The following PTPRT variants were observed in gnomAD, a reference collection of about 807,000 sequenced individuals.
The protein encoded by PTPRT is receptor-type tyrosine-protein phosphatase T.
PTPRT carries 56 observed loss-of-function variants against 176.8 expected under a neutral mutation model. The observed-to-expected ratio is 0.32, with a 90% CI of 0.26 to 0.40. PTPRT has a LOEUF of 0.40. Among genes scored for constraint, PTPRT ranks in the 10% least tolerant of loss-of-function variants. PTPRT has a pLI of 1.00. For missense variants in PTPRT, 1,540 were observed against 1,908.2 expected, an observed-to-expected ratio of 0.81 and a Z score of 3.60; for synonymous variants, 783 against 739.0, an observed-to-expected ratio of 1.06 and a Z score of -0.96.
chr20:42,665,324 G>A lies in PTPRT; in HGVS notation c.1153+12542C>T, dbSNP rs560627578. Among the ~76,000 whole-genome samples, 20 of 152,316 alleles carry A rather than the reference G, an allele frequency of 1.3e-4. 1 individual carries two copies. In the South Asian group the frequency reaches 3.9e-3, roughly 30 times the overall value. On this transcript the variant is annotated intron_variant, in intron 7 of 30. Coordinates refer to ENST00000373187, the MANE Select transcript of PTPRT (RefSeq NM_007050.6). The stretch of plus-strand genomic sequence containing the variant: ...CTTCTCAAAAGAAGACATTTATGCA[G>A]CCAAAAGATGTGAAAAAATGCTCAT...
intron 7 of PTPRT, among the ~76,000 whole-genome samples, chr20:42,512,831 T>C (rs1324182529): frequency 1.3e-5 from 2 of 152,136 alleles, no homozygotes; most frequent in Non-Finnish European, 2.9e-5. Flanking sequence ...GTTTTAATGT[T>C]GTCATTGTGA....
At chr20:43,001,019 A>T (rs796077210) in intron 1 of PTPRT, among the ~76,000 whole-genome samples, 3 of 152,324 alleles carry the variant, frequency 2.0e-5, no homozygotes, top group African/African-American at 7.2e-5. Flanking sequence ...GATTTCAGGA[A>T]ATCATCCATG....
At chr20:43,130,813 TCAA>T (rs2013622774) in intron 1 of PTPRT, among the ~76,000 whole-genome samples, 1 of 121,674 alleles carries the variant, frequency 8.2e-6, no homozygotes, top group Non-Finnish European at 1.8e-5. Context: ...GGAAGGATTT[TCAA>T]AAAAAAAAAA....
intron 13 of PTPRT, among the ~76,000 whole-genome samples, chr20:42,279,077 A>G (rs1367773301): frequency 6.6e-6 from 1 of 152,038 alleles, no homozygotes; most frequent in Non-Finnish European, 1.5e-5. Flanking sequence ...TCTTCCTTTC[A>G]GAGTCTGAAT....
At chr20:43,058,413 A>G (rs1987326662) in intron 1 of PTPRT, among the ~76,000 whole-genome samples, 1 of 151,900 alleles carries the variant, frequency 6.6e-6, no homozygotes, top group South Asian at 2.1e-4. Context: ...AGAAAGAAGG[A>G]GAGAGGAAGA....
At chr20:43,061,794 C>A (rs1254975734) in intron 1 of PTPRT, among the ~76,000 whole-genome samples, 1 of 152,200 alleles carries the variant, frequency 6.6e-6, no homozygotes, top group Non-Finnish European at 1.5e-5. Context: ...CCCATTAAAT[C>A]CCATCTGCAA....
chr20:43,182,743 T>A (rs1046624805), intron 1 of PTPRT, among the ~76,000 whole-genome samples: 1 of 152,048 alleles, frequency 6.6e-6, no homozygotes, highest in African/African-American at 2.4e-5. Context: ...TAGCGTGAAG[T>A]TCCTCCTGGG....
chr20:42,563,227 G>T (rs777394400), intron 7 of PTPRT, among the ~76,000 whole-genome samples: 21 of 151,782 alleles, frequency 1.4e-4, no homozygotes, highest in Admixed American at 3.3e-4. Context: ...GCTCCCCAAA[G>T]AAAAAAATGC....
Position 42,126,570 on chromosome 20 carries a change from C to A in PTPRT, c.2847+2184G>T, listed in dbSNP as rs184444904. ...CTCTAAGTCATCTTTCAAGGCAGAA[C>A]TGAGACATCACCTCCTCCAGGGAGC... On this transcript the variant is annotated intron_variant, in intron 19 of 30. Coordinates refer to ENST00000373187, the MANE Select transcript of PTPRT (RefSeq NM_007050.6). Among the ~76,000 whole-genome samples the A allele has an allele frequency of 5.9e-5, 9 of 152,298 alleles. No individual in the cohort carries two copies. In the East Asian group the frequency reaches 1.7e-3, roughly 29 times the overall value.
In PTPRT at chr20:42,074,785, C is replaced by T; in HGVS notation, c.*6094G>A. The T allele has an allele frequency of 2.5e-6, 1 of 398,628 alleles. No individual in the cohort carries two copies. Among genetic ancestry groups the T allele is most frequent in the South Asian group, 1.3e-4 (1 of 7,852 alleles). The allele number at this position is 398,628 out of a possible 1,614,324, so 24.7% of individuals were successfully genotyped here. On this transcript the variant is annotated 3_prime_UTR_variant, in exon 31 of 31. Transcript: ENST00000373187. Reference sequence around the variant, plus strand: ...CTTTGATGACCTTTTCCCATCTCTTCTGGAGGTGGGCAGGTGGGATGCAAA... The same window carrying T: ...CTTTGATGACCTTTTCCCATCTCTTTTGGAGGTGGGCAGGTGGGATGCAAA...
At chr20:42,060,275 C>T in the PTPRT span, among the ~76,000 whole-genome samples, 1 of 152,124 alleles carries the variant, frequency 6.6e-6, no homozygotes, top group Non-Finnish European at 1.5e-5. Context: ...AAAGAGGAGG[C>T]CAAATCTGAA....
chr20:43,093,832 A>G (rs1307919803), intron 1 of PTPRT, among the ~76,000 whole-genome samples: 1 of 152,028 alleles, frequency 6.6e-6, no homozygotes, highest in Non-Finnish European at 1.5e-5. Context: ...TGAACACACC[A>G]AGCTACTCTT....
chr20:42,085,648 C>A, intron 28 of PTPRT, 80 bp downstream of exon 28: 1 of 1,574,926 alleles, frequency 6.3e-7, no homozygotes, highest in Non-Finnish European at 8.7e-7. Flanking sequence ...TCTTGGCTGG[C>A]TCAGCGGGAT....
intron 2 of PTPRT, among the ~76,000 whole-genome samples, chr20:42,870,997 CT>C (rs2078836090): frequency 6.6e-6 from 1 of 150,728 alleles, no homozygotes; most frequent in Non-Finnish European, 1.5e-5. Flanking sequence ...GTTACCCAGG[CT>C]AGAGTGCAGT....
At chr20:42,842,261 G>A (rs2078291342) in intron 2 of PTPRT, among the ~76,000 whole-genome samples, 1 of 152,150 alleles carries the variant, frequency 6.6e-6, no homozygotes, top group Admixed American at 6.5e-5. Context: ...AAAGCTCCAG[G>A]AGACATGCAA....
At chr20:42,585,069 C>T (rs775914958) in intron 7 of PTPRT, among the ~76,000 whole-genome samples, 7 of 152,092 alleles carry the variant, frequency 4.6e-5, no homozygotes, top group African/African-American at 7.2e-5. Flanking sequence ...ATATTTGCTA[C>T]GTGGATACAT....
At chr20:42,214,295 C>A (rs1188877129) in intron 15 of PTPRT, among the ~76,000 whole-genome samples, 1 of 152,204 alleles carries the variant, frequency 6.6e-6, no homozygotes, top group Non-Finnish European at 1.5e-5. Context: ...CAAACACACA[C>A]TCACACATAT....
At chr20:43,130,211 T>A (rs1338353536) in intron 1 of PTPRT, among the ~76,000 whole-genome samples, 2 of 152,216 alleles carry the variant, frequency 1.3e-5, no homozygotes, top group East Asian at 3.8e-4. Flanking sequence ...CTGAACCACA[T>A]GGGTTTATGG....
chr20:43,062,387 T>C (rs1600684091), intron 1 of PTPRT, among the ~76,000 whole-genome samples: 1 of 152,248 alleles, frequency 6.6e-6, no homozygotes, highest in African/African-American at 2.4e-5. Flanking sequence ...GTTGTCAGGG[T>C]TGGAGATAAT....
Sources: allele counts gnomAD v4.1 joint callset (sites outside exome capture counted in the v4.1 genomes callset), GRCh38; gene constraint gnomAD v4.1.1; transcripts MANE v1.5; gene names NCBI Gene and HGNC (gene_info 2026-07-23, HGNC 2026-07-21).